Variants in PRR5 observed in about 807,000 individuals in gnomAD.
PRR5 encodes the protein proline rich 5, also known as proline-rich protein 5.
A neutral mutation model predicts 30.6 loss-of-function variants in PRR5; 25 were observed. The observed-to-expected ratio is 0.82, with a 90% CI of 0.60 to 1.14. PRR5 has a LOEUF of 1.14. Among genes scored for constraint, PRR5 ranks in the 50% most tolerant of loss-of-function variants. The probability of loss-of-function intolerance (pLI) is 0.00; values close to 1 mark genes in which losing one functional copy is unlikely to be tolerated. For missense variants in PRR5, 600 were observed against 547.1 expected (o/e 1.10, Z -0.96); for synonymous variants, 286 against 247.1 (o/e 1.16, Z -1.48).
At chr22:44,682,760 C>G (rs1924412202) in intron 1 of PRR5, among the ~76,000 whole-genome samples, 3 of 152,298 alleles carry the variant, frequency 2.0e-5, no homozygotes, top group East Asian at 3.9e-4. Flanking sequence ...AGCTGCTAAG[C>G]CATGTTATAA....
At chr22:44,696,503 C>T (rs1925756976) in intron 1 of PRR5, among the ~76,000 whole-genome samples, 1 of 152,090 alleles carries the variant, frequency 6.6e-6, no homozygotes, top group African/African-American at 2.4e-5. Flanking sequence ...TGTATTAAGA[C>T]CAGGGACCTG....
At chr22:44,699,074 T>G (rs1180866227), upstream of PRR5, among the ~76,000 whole-genome samples, 1 of 152,162 alleles carries the variant, frequency 6.6e-6, no homozygotes, top group Admixed American at 6.5e-5. Context: ...AGGGAGAGGT[T>G]ATAGCTAATT....
In PRR5 at chr22:44,736,769, C is replaced by T. The variant is rs1262114451; in HGVS notation, c.692-3C>T. The T allele has an allele frequency of 1.3e-6, 2 of 1,535,574 alleles. No homozygotes were observed. The highest frequency in any genetic ancestry group is 1.9e-5 in the Admixed American group (1 of 51,314). ...GTGTGACAGTGCCCGTGTCTCTCCCCAGAAAAGCGCCTCCTCCGCCGCTCC... is the reference window on the plus strand; with the variant it reads ...GTGTGACAGTGCCCGTGTCTCTCCCTAGAAAAGCGCCTCCTCCGCCGCTCC... On this transcript the variant is annotated splice_polypyrimidine_tract_variant and splice_region_variant and intron_variant, in intron 7 of 7. Coordinates refer to ENST00000336985, the MANE Select transcript of PRR5 (RefSeq NM_181333.4).
intron 1 of PRR5, among the ~76,000 whole-genome samples, chr22:44,708,705 G>A (rs1310703631): frequency 6.6e-6 from 1 of 152,134 alleles, no homozygotes; most frequent in African/African-American, 2.4e-5. Flanking sequence ...CGTAGCTCAT[G>A]CCTGTAATCC....
At chr22:44,732,424 G>T (rs750932107) in intron 6 of PRR5, 33 bp downstream of exon 6, 2 of 1,587,826 alleles carry the variant, frequency 1.3e-6, no homozygotes, top group Non-Finnish European at 1.7e-6. Context: ...CGGGCATGGG[G>T]ACCGTGGGGC....
Position 44,732,967 on chromosome 22 carries a change from G to A in PRR5, c.555+576G>A, listed in dbSNP as rs143464154. On this transcript the variant is annotated intron_variant, in intron 6 of 7. Coordinates refer to ENST00000336985, the MANE Select transcript of PRR5 (RefSeq NM_181333.4). ...CGTGTGCACACATACGCGTGCACAC[G>A]CATACACACTACACACATACATGTG... Among the ~76,000 whole-genome samples the A allele has an allele frequency of 5.8e-3, 868 of 148,928 alleles. 3 individuals carry two copies. The highest frequency in any genetic ancestry group is 0.012 in the Middle Eastern group (3 of 260).
At chr22:44,673,166 A>G (rs1445294470), upstream of PRR5, among the ~76,000 whole-genome samples, 1 of 152,242 alleles carries the variant, frequency 6.6e-6, no homozygotes, top group African/African-American at 2.4e-5. Flanking sequence ...AGAGACATGA[A>G]GGGAGAGAGG....
intron 7 of PRR5, among the ~76,000 whole-genome samples, chr22:44,735,975 A>C (rs765004632): frequency 2.6e-5 from 4 of 152,158 alleles, no homozygotes; most frequent in Non-Finnish European, 4.4e-5. Flanking sequence ...TGGGACCCGC[A>C]TCCTCTGGTC....
intron 1 of PRR5, among the ~76,000 whole-genome samples, chr22:44,703,527 C>T (rs1460070201): frequency 6.6e-6 from 1 of 152,184 alleles, no homozygotes; most frequent in South Asian, 2.1e-4. Flanking sequence ...GGGCTGCCAG[C>T]GAGACCCTCT....
chr22:44,737,540 C>A lies in PRR5; in HGVS notation c.*293C>A. On this transcript the variant is annotated 3_prime_UTR_variant, in exon 8 of 8. Coordinates refer to ENST00000336985, the MANE Select transcript of PRR5 (RefSeq NM_181333.4). ...CCTCCTGCCCCAGCCCTCTGGTGTC[C>A]ACACCTGCCCACAGAGAATGTAAAC... is the stretch of plus-strand genomic sequence containing the variant. 2 of 435,770 alleles carry A rather than the reference C, an allele frequency of 4.6e-6. No individual in the cohort carries two copies. Among genetic ancestry groups the A allele is most frequent in the South Asian group, 4.1e-5 (1 of 24,294 alleles). The allele number at this position is 435,770 out of a possible 1,614,324, so 27.0% of individuals were successfully genotyped here. A position where few individuals can be genotyped will look rare whatever the true frequency, so the allele number is the denominator to read the frequency against.
chr22:44,729,773 A>G, intron 4 of PRR5: 2 of 985,468 alleles, frequency 2.0e-6, no homozygotes, highest in Non-Finnish European at 2.4e-6. Flanking sequence ...TCTGTTTTAC[A>G]ACATCTGCTT....
chr22:44,708,195 A>G (rs528512496), intron 1 of PRR5, among the ~76,000 whole-genome samples: 5 of 152,226 alleles, frequency 3.3e-5, no homozygotes, highest in Admixed American at 3.3e-4. Context: ...GCGAGACTCC[A>G]ACTCAAAAAA....
intron 1 of PRR5, among the ~76,000 whole-genome samples, chr22:44,689,323 G>C (rs1425913579): frequency 6.6e-6 from 1 of 152,148 alleles, no homozygotes; most frequent in Non-Finnish European, 1.5e-5. Flanking sequence ...CTACCAGCTT[G>C]GTGACTCATC....
upstream of PRR5, chr22:44,676,925 G>A (rs554633962): frequency 7.4e-4 from 113 of 152,358 alleles, no homozygotes; most frequent in African/African-American, 2.6e-3. Context: ...GGGTGCAGTC[G>A]GGGGCAGCTC....
intron 1 of PRR5, chr22:44,677,284 G>C (rs1923845834): frequency 6.6e-6 from 1 of 152,578 alleles, no homozygotes; most frequent in Non-Finnish European, 1.5e-5. Context: ...GGACGCCTGG[G>C]CGTGGAGAGG....
intron 1 of PRR5, among the ~76,000 whole-genome samples, chr22:44,708,555 A>G (rs1408986718): frequency 6.6e-6 from 1 of 152,118 alleles, no homozygotes; most frequent in Admixed American, 6.5e-5. Flanking sequence ...ATTACACAGC[A>G]ATAGTACCAC....
chr22:44,712,473 C>T (rs927989467), intron 1 of PRR5, among the ~76,000 whole-genome samples: 7 of 152,202 alleles, frequency 4.6e-5, no homozygotes, highest in African/African-American at 1.4e-4. Flanking sequence ...ACGGGAAGCC[C>T]TGGCCAGTCC....
chr22:44,672,600 A>C (rs1280626834), upstream of PRR5, among the ~76,000 whole-genome samples: 1 of 152,136 alleles, frequency 6.6e-6, no homozygotes, highest in East Asian at 1.9e-4. Flanking sequence ...TAAATAAATA[A>C]AATAAAAGAT....
At chr22:44,707,701 C>T (rs963777340) in intron 1 of PRR5, among the ~76,000 whole-genome samples, 1 of 152,230 alleles carries the variant, frequency 6.6e-6, no homozygotes, top group South Asian at 2.1e-4. Context: ...GTCTGGGGAT[C>T]CCCAGCAGGG....
Sources: gnomAD v4.1 joint callset for allele counts (sites outside exome capture counted in the v4.1 genomes callset) on GRCh38, gnomAD v4.1.1 for gene constraint, MANE v1.5 for transcripts, NCBI Gene and HGNC (gene_info 2026-07-23, HGNC 2026-07-21) for gene names.